The following PJA2 variants were observed in gnomAD, a reference collection of about 807,000 sequenced individuals.
PJA2 encodes praja ring finger ubiquitin ligase 2, also known as E3 ubiquitin-protein ligase Praja-2.
Under a neutral mutation model 69.3 loss-of-function variants are expected in PJA2, and 25 were observed. The ratio of observed to expected loss-of-function variants is 0.36; its 90% CI spans 0.26 to 0.50. PJA2 has a LOEUF of 0.50. PJA2 is among the 20% of genes least tolerant of loss of function. The probability of loss-of-function intolerance (pLI) is 0.96; values close to 1 mark genes in which losing one functional copy is unlikely to be tolerated. For missense variants in PJA2, 809 were observed against 830.2 expected, an observed-to-expected ratio of 0.97 and a Z score of 0.31; for synonymous variants, 308 against 277.8, an observed-to-expected ratio of 1.11 and a Z score of -1.08.
rs573683435 is a variant in PJA2 at position 109,386,604 on chromosome 5, C to A, written c.-87-3084G>T. On this transcript the variant is annotated intron_variant, in intron 1 of 9. Coordinates refer to ENST00000361189, the MANE Select transcript of PJA2 (RefSeq NM_014819.5). ...TGTGGAAATCTTTTGATTGTACTAC[C>A]CGCTCAGGTTAAGTACCCTACTTTG... Among the ~76,000 whole-genome samples, 19 of 152,268 alleles carry A rather than the reference C, an allele frequency of 1.2e-4. No homozygotes were observed. In the South Asian group the frequency reaches 3.1e-3, roughly 25 times the overall value.
At position 109,390,271 on chromosome 5, in the gene PJA2, T is replaced by C. The variant is rs557245665; in HGVS notation, c.-87-6751A>G. ...TGTCTTACATATTTGGAAGCTGTGT[T>C]ACTATGTGAAAACATATTTAGAATT... On this transcript the variant is annotated intron_variant, in intron 1 of 9. Coordinates refer to ENST00000361189, the MANE Select transcript of PJA2 (RefSeq NM_014819.5). 9.9e-5 allele frequency among the ~76,000 whole-genome samples: 15 copies of C among 152,142 alleles called. 1 individual carries two copies. In the South Asian group the frequency reaches 2.9e-3, roughly 29 times the overall value.
At chr5:109,340,626 C>CGGG (rs1371701339) in intron 9 of PJA2, among the ~76,000 whole-genome samples, 1 of 50 alleles carries the variant, frequency 0.02, no homozygotes, top group Non-Finnish European at 0.062. Flanking sequence ...GTCCCTCCCC[C>CGGG]TCCCCCTCCC....
intron 1 of PJA2, among the ~76,000 whole-genome samples, chr5:109,406,040 A>ATTTT (rs35924063): frequency 9.7e-6 from 1 of 103,438 alleles, no homozygotes; most frequent in Non-Finnish European, 1.9e-5. Context: ...AGACAAACCC[A>ATTTT]TTTTTTTTTT....
In PJA2 at chr5:109,388,335, T is replaced by C. The variant is rs1018027830; in HGVS notation, c.-87-4815A>G. Among the ~76,000 whole-genome samples, 15 of 152,160 alleles carry C rather than the reference T, an allele frequency of 9.9e-5. 1 individual carries two copies. Among genetic ancestry groups the C allele is most frequent in the African/African-American group, 3.6e-4 (15 of 41,440 alleles). ...ATGCCCTAGTGCATTACCCTTCAGA[T>C]GACTGCAGTCCCAGCCTACATTTGA... On this transcript the variant is annotated intron_variant, in intron 1 of 9. Transcript: ENST00000361189.
intron 7 of PJA2, among the ~76,000 whole-genome samples, chr5:109,349,547 T>C (rs1402787301): frequency 6.6e-6 from 1 of 152,134 alleles, no homozygotes. Flanking sequence ...GTACAGCACT[T>C]CCAGTTAGAA....
chr5:109,401,453 T>G (rs1747545077), intron 1 of PJA2, among the ~76,000 whole-genome samples: 1 of 151,842 alleles, frequency 6.6e-6, no homozygotes, highest in African/African-American at 2.4e-5. Context: ...AGCGAGACCT[T>G]GTCTCAAAAA....
At chr5:109,358,949 C>T (rs190682694) in intron 6 of PJA2, among the ~76,000 whole-genome samples, 10 of 152,294 alleles carry the variant, frequency 6.6e-5, no homozygotes, top group South Asian at 2.1e-4. Flanking sequence ...AGTATCTTCA[C>T]GCTAGAAGCC....
intron 5 of PJA2, among the ~76,000 whole-genome samples, chr5:109,367,367 A>G (rs749307159): frequency 2.9e-4 from 41 of 142,630 alleles, no homozygotes; most frequent in Non-Finnish European, 5.3e-4. Context: ...TTTTAATATT[A>G]GTCTACACTG....
chr5:109,379,289 G>A (rs1292514388), intron 3 of PJA2, 35 bp from the exon 4 acceptor site: 1 of 1,406,834 alleles, frequency 7.1e-7, no homozygotes, highest in Admixed American at 2.3e-5. Flanking sequence ...TATTTTAAAG[G>A]ATTAACTTAG....
At chr5:109,403,815 T>C (rs1747618466) in intron 1 of PJA2, among the ~76,000 whole-genome samples, 1 of 149,240 alleles carries the variant, frequency 6.7e-6, no homozygotes, top group Non-Finnish European at 1.5e-5. Context: ...CTCATGCCTG[T>C]AATCCCAACA....
At chr5:109,344,126 T>C (rs1207551980) in intron 9 of PJA2, 64 bp downstream of exon 9, 3 of 809,024 alleles carry the variant, frequency 3.7e-6, no homozygotes, top group Non-Finnish European at 5.4e-6. Flanking sequence ...AAAAAGATAC[T>C]ATTATTCACT....
Position 109,354,434 on chromosome 5 carries a change from GAGATGTCTATAGATT to G in PJA2, c.1764+1466_1764+1480del, listed in dbSNP as rs1561346319. ...ATAGATTAGATATCTATGATATCTAGAGATGTCTATAGATTAGATATCTATGATATCTAGAGATAT... is the reference window on the plus strand; with the variant it reads ...ATAGATTAGATATCTATGATATCTAGAGATATCTATGATATCTAGAGATAT... On this transcript the variant is annotated intron_variant, in intron 7 of 9. Coordinates refer to ENST00000361189, the MANE Select transcript of PJA2 (RefSeq NM_014819.5). 2.7e-4 allele frequency among the ~76,000 whole-genome samples: 37 copies of G among 138,530 alleles called. 3 individuals are homozygous for G. The highest frequency in any genetic ancestry group is 3.6e-4 in the Admixed American group (5 of 14,016). The allele number at this position is 138,530 out of a possible 152,430, so 90.9% of individuals were successfully genotyped here.
intron 3 of PJA2, among the ~76,000 whole-genome samples, chr5:109,380,906 G>C (rs1747031332): frequency 6.6e-6 from 1 of 151,746 alleles, no homozygotes; most frequent in Non-Finnish European, 1.5e-5. Flanking sequence ...TGAGAGGTCA[G>C]GAGTTTGAGA....
chr5:109,371,935 T>G (rs540412571), intron 4 of PJA2, among the ~76,000 whole-genome samples: 1 of 152,230 alleles, frequency 6.6e-6, no homozygotes, highest in Non-Finnish European at 1.5e-5. Flanking sequence ...TATTTAATAG[T>G]TCACTGGGTT....
intron 1 of PJA2, among the ~76,000 whole-genome samples, chr5:109,387,176 T>C (rs1413113002): frequency 6.6e-6 from 1 of 152,202 alleles, no homozygotes; most frequent in Non-Finnish European, 1.5e-5. Context: ...TGTAACAATC[T>C]TTTTAATTTC....
rs188038911 is a variant in PJA2 at position 109,368,990 on chromosome 5, T to C, written c.1284-244A>G. 3.9e-5 allele frequency among the ~76,000 whole-genome samples: 6 copies of C among 152,188 alleles called. No individual in the cohort carries two copies. In the East Asian group the frequency reaches 1.2e-3, roughly 29 times the overall value. On this transcript the variant is annotated intron_variant, in intron 4 of 9. Coordinates refer to ENST00000361189, the MANE Select transcript of PJA2 (RefSeq NM_014819.5). ...GATACTGAGTTTTCACCAGATCTGG[T>C]TGTTTAAAAGTGTGTGGCACCTCCC...
intron 4 of PJA2, among the ~76,000 whole-genome samples, chr5:109,371,666 C>G (rs1457518953): frequency 6.6e-6 from 1 of 152,218 alleles, no homozygotes; most frequent in Admixed American, 6.5e-5. Context: ...ACATATCAAA[C>G]AGTATGTTTA....
intron 1 of PJA2, among the ~76,000 whole-genome samples, chr5:109,398,011 CAAAAG>C (rs1561365192): frequency 6.6e-6 from 1 of 152,168 alleles, no homozygotes; most frequent in Non-Finnish European, 1.5e-5. Context: ...AGACACTTCT[CAAAAG>C]AAGACATTTA....
intron 4 of PJA2, among the ~76,000 whole-genome samples, chr5:109,369,822 C>T (rs528752895): frequency 5.3e-5 from 8 of 152,132 alleles, no homozygotes; most frequent in Non-Finnish European, 1.0e-4. Flanking sequence ...CACCTGAGGT[C>T]GGGAGTTCGA....
Sources: allele counts gnomAD v4.1 joint callset (sites outside exome capture counted in the v4.1 genomes callset), GRCh38; gene constraint gnomAD v4.1.1; transcripts MANE v1.5; gene names NCBI Gene and HGNC (gene_info 2026-07-23, HGNC 2026-07-21).